ZBTB40: variants seen among roughly 807,000 people sequenced by gnomAD.
The protein encoded by ZBTB40 is zinc finger and BTB domain-containing protein 40.
A neutral mutation model predicts 117.5 loss-of-function variants in ZBTB40; 60 were observed. The ratio of observed to expected loss-of-function variants is 0.51; its 90% CI spans 0.41 to 0.63. ZBTB40 has a LOEUF of 0.63. Among genes scored for constraint, ZBTB40 ranks in the 30% least tolerant of loss-of-function variants. The pLI, the probability that ZBTB40 is intolerant of heterozygous loss-of-function variation, is 0.00. For synonymous variants in ZBTB40, 525 were observed against 577.1 expected, an observed-to-expected ratio of 0.91 and a Z score of 1.29; for missense variants, 1,287 against 1,498.5, an observed-to-expected ratio of 0.86 and a Z score of 2.33.
chr1:22,509,833 C>G (rs951002629), intron 9 of ZBTB40, among the ~76,000 whole-genome samples: 2 of 152,134 alleles, frequency 1.3e-5, no homozygotes, highest in Non-Finnish European at 2.9e-5. Flanking sequence ...GGATTTGAAC[C>G]CAGCTTCCTA....
At chr1:22,498,572 C>T (rs930985296) in intron 3 of ZBTB40, among the ~76,000 whole-genome samples, 2 of 152,190 alleles carry the variant, frequency 1.3e-5, no homozygotes, top group Admixed American at 1.3e-4. Flanking sequence ...CCCAGATGGC[C>T]ACCCTAGCAT....
upstream of ZBTB40, among the ~76,000 whole-genome samples, chr1:22,447,411 T>TAG (rs1337120684): frequency 6.6e-6 from 1 of 152,056 alleles, no homozygotes; most frequent in African/African-American, 2.4e-5. Flanking sequence ...GGTTGACGGT[T>TAG]AGAGAGAGAG....
At chr1:22,477,085 G>A (rs1233346211) in intron 1 of ZBTB40, among the ~76,000 whole-genome samples, 1 of 152,128 alleles carries the variant, frequency 6.6e-6, no homozygotes, top group African/African-American at 2.4e-5. Context: ...AGTTTAGCCT[G>A]TATAGTGTAT....
At chr1:22,512,451 T>C (rs1639266434) in intron 11 of ZBTB40, among the ~76,000 whole-genome samples, 1 of 152,236 alleles carries the variant, frequency 6.6e-6, no homozygotes, top group African/African-American at 2.4e-5. Flanking sequence ...TTACAGCTCT[T>C]ACTGTTTACA....
rs745312859 is a variant in ZBTB40 at position 22,511,316 on chromosome 1, G to T, written c.1971G>T (p.Leu657=). ...GTGTCCACAAATCTTTTCCAGGCCTGCAGCCTGTCATGCAGGAGTTGGCAT... is the reference window on the plus strand; with the variant it reads ...GTGTCCACAAATCTTTTCCAGGCCTTCAGCCTGTCATGCAGGAGTTGGCAT... The part of the protein sequence containing the change: ...LCSVHKSFPG[L]QPVMQELAYI... Residue 657 remains leucine, a synonymous_variant, in exon 10 of 18, where the codon CTG becomes CTT. Transcript: ENST00000375647. The T allele has an allele frequency of 4.3e-6, 7 of 1,614,100 alleles. No individual in the cohort carries two copies. The highest frequency in any genetic ancestry group is 5.9e-6 in the Non-Finnish European group (7 of 1,180,030).
chr1:22,456,275 T>G (rs1230454864), intron 1 of ZBTB40, among the ~76,000 whole-genome samples: 3 of 152,178 alleles, frequency 2.0e-5, no homozygotes, highest in African/African-American at 7.2e-5. Context: ...CTGGCAGCCC[T>G]CGAGAGAGAA....
intron 3 of ZBTB40, among the ~76,000 whole-genome samples, chr1:22,500,834 A>G (rs925058791): frequency 1.3e-5 from 2 of 152,232 alleles, no homozygotes; most frequent in African/African-American, 4.8e-5. Flanking sequence ...GTTACAGACT[A>G]TATCTAAAAT....
In ZBTB40 at chr1:22,525,969, G is replaced by T. The variant is rs112730149; in HGVS notation, c.3526-233G>T. ...TCATAGAGTCCGGGCGCCCCGAGATGGCGTACTGAGCAAAATTATAGCAAT... is the reference window on the plus strand; with the variant it reads ...TCATAGAGTCCGGGCGCCCCGAGATTGCGTACTGAGCAAAATTATAGCAAT... On this transcript the variant is annotated intron_variant, in intron 17 of 17. Coordinates refer to ENST00000375647, the MANE Select transcript of ZBTB40 (RefSeq NM_014870.4). 1.5e-3 allele frequency among the ~76,000 whole-genome samples: 228 copies of T among 152,318 alleles called. 1 individual carries two copies. The highest frequency in any genetic ancestry group is 5.3e-3 in the African/African-American group (219 of 41,568).
chr1:22,501,896 G>A (rs1384146574), intron 4 of ZBTB40, among the ~76,000 whole-genome samples: 1 of 152,156 alleles, frequency 6.6e-6, no homozygotes, highest in Non-Finnish European at 1.5e-5. Context: ...CTGACACCTT[G>A]AAGTTGGAGA....
intron 1 of ZBTB40, among the ~76,000 whole-genome samples, chr1:22,458,675 C>T (rs574060754): frequency 6.6e-6 from 1 of 152,270 alleles, no homozygotes; most frequent in East Asian, 1.9e-4. Flanking sequence ...GTTGTATCAC[C>T]AACTTCATAA....
At chr1:22,456,702 C>A (rs1476517389) in intron 1 of ZBTB40, among the ~76,000 whole-genome samples, 1 of 152,208 alleles carries the variant, frequency 6.6e-6, no homozygotes, top group Non-Finnish European at 1.5e-5. Context: ...GCTTTGTTTT[C>A]TGTCTAAAGT....
chr1:22,453,218 A>T (rs1365671232), intron 1 of ZBTB40, among the ~76,000 whole-genome samples: 1 of 152,222 alleles, frequency 6.6e-6, no homozygotes, highest in African/African-American at 2.4e-5. Context: ...TACTTAGCTA[A>T]ATCATCAAAC....
At chr1:22,515,918 A>C (rs115330926) in intron 12 of ZBTB40, among the ~76,000 whole-genome samples, 1,706 of 152,338 alleles carry the variant, frequency 0.011, 25 homozygotes, top group African/African-American at 0.038. Flanking sequence ...TAGTAGGGCA[A>C]GAGGGAAACA....
intron 1 of ZBTB40, among the ~76,000 whole-genome samples, chr1:22,456,636 A>G (rs1218566153): frequency 6.6e-6 from 1 of 152,204 alleles, no homozygotes; most frequent in Admixed American, 6.5e-5. Flanking sequence ...CTCCCCTGAA[A>G]CCAGGTACTG....
chr1:22,471,063 A>G (rs1300494349), intron 1 of ZBTB40, among the ~76,000 whole-genome samples: 1 of 152,276 alleles, frequency 6.6e-6, no homozygotes, highest in Non-Finnish European at 1.5e-5. Context: ...AGTGCTATCC[A>G]ACCTCCTCAA....
chr1:22,503,610 C>T (rs1002921965), intron 5 of ZBTB40, among the ~76,000 whole-genome samples: 1 of 133,400 alleles, frequency 7.5e-6, no homozygotes. Flanking sequence ...CATGTGCGCA[C>T]GCACACACAC....
chr1:22,511,033 A>C lies in ZBTB40; in HGVS notation c.1834-146A>C, dbSNP rs542129499. 12 of 1,023,576 alleles carry C rather than the reference A, an allele frequency of 1.2e-5. No homozygotes were observed. In the East Asian group the frequency reaches 2.6e-4, roughly 22 times the overall value. 63.4% of individuals were successfully genotyped at this position (1,023,576 alleles called of 1,614,324 possible). A position where few individuals can be genotyped will look rare whatever the true frequency, so the allele number is the denominator to read the frequency against. The stretch of plus-strand genomic sequence containing the variant: ...TTTGGCAAACAGAGCTGTCCACTAC[A>C]TTTATCACAAGGCGATGTATAAACT... On this transcript the variant is annotated intron_variant, in intron 9 of 17. Transcript: ENST00000375647.
In ZBTB40 at chr1:22,531,039, A is replaced by G. The variant is rs1489412640; in HGVS notation, c.*4643A>G. 6.6e-6 allele frequency: 1 copy of G among 152,070 alleles called. No individual in the cohort carries two copies. The highest frequency in any genetic ancestry group is 6.5e-5 in the Admixed American group (1 of 15,278). The allele number at this position is 152,070 out of a possible 1,614,324, so 9.4% of individuals were successfully genotyped here. A position where few individuals can be genotyped will look rare whatever the true frequency, so the allele number is the denominator to read the frequency against. On this transcript the variant is annotated 3_prime_UTR_variant, in exon 18 of 18. Coordinates refer to ENST00000375647, the MANE Select transcript of ZBTB40 (RefSeq NM_014870.4). The stretch of plus-strand genomic sequence containing the variant: ...TCCTGGCTCCCAACTTTATTATAAA[A>G]TGGGGAAAATGATTGTGCTTGCCCT...
At chr1:22,512,279 T>A (rs779303912) in intron 11 of ZBTB40, 145 bp downstream of exon 11, 21 of 948,764 alleles carry the variant, frequency 2.2e-5, no homozygotes, top group Admixed American at 4.1e-5. Context: ...AGGGTAATAT[T>A]TTAAGAGCAT....
Sources: gnomAD v4.1 joint callset for allele counts (sites outside exome capture counted in the v4.1 genomes callset) on GRCh38, gnomAD v4.1.1 for gene constraint, MANE v1.5 for transcripts, NCBI Gene and HGNC (gene_info 2026-07-23, HGNC 2026-07-21) for gene names.